Variants in DNAH17 observed in about 807,000 individuals in gnomAD.
The protein encoded by DNAH17 is dynein axonemal heavy chain 17, also known as axonemal beta dynein heavy chain 17.
In DNAH17, 376 loss-of-function variants were observed where a neutral mutation model predicts 485.6. The ratio of observed to expected loss-of-function variants is 0.77; its 90% CI spans 0.71 to 0.84. The LOEUF (loss-of-function observed/expected upper bound fraction) is 0.84. Ranked by LOEUF, DNAH17 falls within the 40% of genes least tolerant of loss-of-function variation. The pLI is 0.00. For missense variants in DNAH17, 6,370 were observed against 5,839.3 expected, an observed-to-expected ratio of 1.09 and a Z score of -2.96; for synonymous variants, 3,031 against 2,405.9, an observed-to-expected ratio of 1.26 and a Z score of -7.60.
At chr17:78,488,222 C>G (rs1444313920) in intron 44 of DNAH17, among the ~76,000 whole-genome samples, 1 of 152,210 alleles carries the variant, frequency 6.6e-6, no homozygotes. Context: ...GCGAGACAGG[C>G]CGACTTTCTC....
chr17:78,507,635 C>T lies in DNAH17; in HGVS notation c.4407G>A (p.Leu1469=). 6.2e-7 allele frequency: 1 copy of T among 1,614,100 alleles called. No homozygotes were observed. Among genetic ancestry groups the T allele is most frequent in the Non-Finnish European group, 8.5e-7 (1 of 1,180,024 alleles). The part of the protein sequence containing the change: ...LMMSKYLAHF[L]KEVTSWQQKL... ...TCTGCTGCCAGCTTGTCACCTCCTT[C>T]AGGAAGTGGGCCAGGTACTTGGACA... The change falls in exon 28 of 81, where the codon CTG becomes CTA. Residue 1469 remains leucine (L), a synonymous_variant. Coordinates refer to ENST00000389840, the MANE Select transcript of DNAH17 (RefSeq NM_173628.4).
intron 24 of DNAH17, among the ~76,000 whole-genome samples, chr17:78,525,755 C>T (rs764128985): frequency 5.3e-5 from 8 of 152,254 alleles, no homozygotes; most frequent in Non-Finnish European, 1.2e-4. Flanking sequence ...GCATGGGGCA[C>T]CCCTCACCCC....
intron 31 of DNAH17, among the ~76,000 whole-genome samples, chr17:78,504,360 C>T (rs12103526): frequency 1.7e-3 from 254 of 152,190 alleles, no homozygotes; most frequent in African/African-American, 5.4e-3. Context: ...CTACCGCGCC[C>T]GGCCAGATTT....
rs574124756 is a variant in DNAH17 at position 78,494,024 on chromosome 17, C to T, written c.6408+12G>A. ...CCGGATCCCTGCAAGGTCCCTGGAG[C>T]GGGTGACACACCTGAGATTTGCCGC... On this transcript the variant is annotated intron_variant, in intron 41 of 80. Coordinates refer to ENST00000389840, the MANE Select transcript of DNAH17 (RefSeq NM_173628.4). 1.4e-4 allele frequency: 228 copies of T among 1,609,484 alleles called. No individual in the cohort carries two copies. Among genetic ancestry groups the T allele is most frequent in the Middle Eastern group, 1.7e-4 (1 of 6,004 alleles).
intron 69 of DNAH17, among the ~76,000 whole-genome samples, chr17:78,446,639 T>C (rs928374094): frequency 6.6e-6 from 1 of 151,352 alleles, no homozygotes; most frequent in African/African-American, 2.4e-5. Context: ...TTTATTTTAT[T>C]ATTTATTATT....
intron 48 of DNAH17, among the ~76,000 whole-genome samples, chr17:78,481,559 C>G (rs2089352190): frequency 6.6e-6 from 1 of 152,170 alleles, no homozygotes; most frequent in African/African-American, 2.4e-5. Flanking sequence ...TGGTTAACAT[C>G]TCTGTGCCTT....
chr17:78,559,765 C>A (rs565175227), intron 13 of DNAH17, among the ~76,000 whole-genome samples: 1 of 152,158 alleles, frequency 6.6e-6, no homozygotes, highest in Non-Finnish European at 1.5e-5. Context: ...CCATGGGGCC[C>A]TTCCTCGTCA....
At position 78,531,337 on chromosome 17, in the gene DNAH17, CTTTT is replaced by C. The variant is rs35874440; in HGVS notation, c.3115-829_3115-826del. On this transcript the variant is annotated intron_variant, in intron 20 of 80. Transcript: ENST00000389840. ...TTACTGTTTGTGACATAAAGTCTGT[CTTTT>C]TTTTTTTTTTTTTTTTGAGATGGAG... 1.8e-3 allele frequency among the ~76,000 whole-genome samples: 225 copies of C among 122,352 alleles called. 1 individual carries two copies. The highest frequency in any genetic ancestry group is 6.9e-3 in the African/African-American group (212 of 30,860). The allele number at this position is 122,352 out of a possible 152,430, so 80.3% of individuals were successfully genotyped here.
At chr17:78,548,481 C>T (rs752378893) in intron 16 of DNAH17, among the ~76,000 whole-genome samples, 18 of 152,216 alleles carry the variant, frequency 1.2e-4, no homozygotes, top group East Asian at 5.8e-4. Flanking sequence ...TGGGATTACA[C>T]GCATGAGCCA....
At chr17:78,570,615 T>C (rs897112594) in intron 6 of DNAH17, among the ~76,000 whole-genome samples, 2 of 151,644 alleles carry the variant, frequency 1.3e-5, no homozygotes, top group Admixed American at 1.3e-4. Context: ...ATCCCAGCAC[T>C]TTGGGAGGCC....
intron 58 of DNAH17, among the ~76,000 whole-genome samples, chr17:78,460,839 A>G (rs74531260): frequency 2.0e-3 from 311 of 152,158 alleles, no homozygotes; most frequent in Non-Finnish European, 3.9e-3. Context: ...TATAGCTCAC[A>G]CCCCTCTAAG....
At chr17:78,496,241 G>A (rs1388813393) in intron 37 of DNAH17, among the ~76,000 whole-genome samples, 1 of 152,164 alleles carries the variant, frequency 6.6e-6, no homozygotes, top group Admixed American at 6.5e-5. Context: ...GCCAGGCACA[G>A]TGGCTCACAC....
At chr17:78,574,057 G>A (rs2092399278) in intron 2 of DNAH17, among the ~76,000 whole-genome samples, 2 of 152,198 alleles carry the variant, frequency 1.3e-5, no homozygotes, top group African/African-American at 4.8e-5. Context: ...CCAGTACTCA[G>A]TCCCCACCTT....
At chr17:78,566,759 T>C (rs1568266047) in intron 10 of DNAH17, 29 bp from the exon 11 acceptor site, 2 of 1,544,078 alleles carry the variant, frequency 1.3e-6, no homozygotes, top group Admixed American at 3.8e-5. Flanking sequence ...GTCAACCTTG[T>C]AATCAGCGTG....
At chr17:78,517,271 C>T (rs894630002) in intron 25 of DNAH17, among the ~76,000 whole-genome samples, 7 of 152,178 alleles carry the variant, frequency 4.6e-5, no homozygotes, top group African/African-American at 7.2e-5. Context: ...CTCAAACTCC[C>T]GGCCTCAAGT....
At chr17:78,493,688 C>T (rs2089955282) in intron 41 of DNAH17, among the ~76,000 whole-genome samples, 1 of 152,250 alleles carries the variant, frequency 6.6e-6, no homozygotes, top group African/African-American at 2.4e-5. Context: ...CCACCCTCCA[C>T]ATGTCACCAC....
rs749852408 is a variant in DNAH17, at chr17:78,455,933, T to G, written c.9978-97A>C. 1.2e-4 allele frequency: 126 copies of G among 1,076,944 alleles called. 1 individual carries two copies. Among genetic ancestry groups the G allele is most frequent in the South Asian group, 8.0e-4 (38 of 47,268 alleles). 66.7% of individuals were successfully genotyped at this position (1,076,944 alleles called of 1,614,324 possible). A position where few individuals can be genotyped will look rare whatever the true frequency, so the allele number is the denominator to read the frequency against. Reference sequence around the variant, plus strand: ...CTGCACCTCTGTGAATCTTCAGAGTTTCCCGTCTGCACCTGGCTCAGTGGC... The same window carrying G: ...CTGCACCTCTGTGAATCTTCAGAGTGTCCCGTCTGCACCTGGCTCAGTGGC... On this transcript the variant is annotated intron_variant, in intron 62 of 80. Transcript: ENST00000389840.
intron 55 of DNAH17, among the ~76,000 whole-genome samples, chr17:78,467,924 T>A (rs2088555205): frequency 6.6e-6 from 1 of 150,714 alleles, no homozygotes; most frequent in Non-Finnish European, 1.5e-5. Flanking sequence ...AAGCTGAGGC[T>A]GGAGAATCAT....
intron 15 of DNAH17, among the ~76,000 whole-genome samples, chr17:78,552,299 G>A (rs376115662): frequency 1.2e-4 from 19 of 152,166 alleles, no homozygotes; most frequent in African/African-American, 2.4e-4. Flanking sequence ...ACAGGGACTC[G>A]TGACTACACT....
Sources: gnomAD v4.1 joint callset for allele counts (sites outside exome capture counted in the v4.1 genomes callset) on GRCh38, gnomAD v4.1.1 for gene constraint, MANE v1.5 for transcripts, NCBI Gene and HGNC (gene_info 2026-07-23, HGNC 2026-07-21) for gene names.